Variants in PCDH7 observed in about 807,000 individuals in gnomAD.
PCDH7 encodes the protein protocadherin 7.
PCDH7 carries 17 observed loss-of-function variants against 58.9 expected under a neutral mutation model. That is an observed-to-expected ratio of 0.29 (90% CI 0.20 to 0.43). PCDH7 has a LOEUF of 0.43. Ranked by LOEUF, PCDH7 falls within the 20% of genes least tolerant of loss-of-function variation. The probability of loss-of-function intolerance (pLI) is 1.00; values close to 1 mark genes in which losing one functional copy is unlikely to be tolerated. For missense variants in PCDH7, 1,274 were observed against 1,441.0 expected, an observed-to-expected ratio of 0.88 and a Z score of 1.88; for synonymous variants, 664 against 616.4, an observed-to-expected ratio of 1.08 and a Z score of -1.14.
rs1013478231 is a variant in PCDH7, at chr4:30,910,369, G to A, written c.71-9784G>A. 2.0e-5 allele frequency among the ~76,000 whole-genome samples: 3 copies of A among 152,106 alleles called. 1 individual carries two copies. Among genetic ancestry groups the A allele is most frequent in the Non-Finnish European group, 4.4e-5 (3 of 68,032 alleles). On this transcript the variant is annotated intron_variant, in intron 1 of 3. Coordinates refer to the PCDH7 transcript ENST00000509759. ...TTCTGCACAGCAAAAGAATCTATCA[G>A]AGTGAACAGGCAAACTACAGAATGG...
At chr4:30,864,232 A>G (rs1036530243) in intron 1 of PCDH7, among the ~76,000 whole-genome samples, 1 of 152,080 alleles carries the variant, frequency 6.6e-6, no homozygotes, top group African/African-American at 2.4e-5. Context: ...GAAAGAAAAA[A>G]CAGCACAATA....
intron 3 of PCDH7, among the ~76,000 whole-genome samples, chr4:31,082,225 G>A (rs907065708): frequency 1.3e-5 from 2 of 152,152 alleles, no homozygotes; most frequent in Admixed American, 1.3e-4. Context: ...ATGCTTTCTA[G>A]ACAGTGTCCA....
chr4:31,081,924 C>T (rs114154685), intron 3 of PCDH7, among the ~76,000 whole-genome samples: 2,951 of 152,196 alleles, frequency 0.019, 101 homozygotes, highest in African/African-American at 0.067. Flanking sequence ...AGGCCCACGC[C>T]ACCAAGGCCA....
intron 3 of PCDH7, among the ~76,000 whole-genome samples, chr4:31,101,858 C>T (rs1714936889): frequency 6.6e-6 from 1 of 152,156 alleles, no homozygotes; most frequent in Non-Finnish European, 1.5e-5. Context: ...CATCTGTACA[C>T]TCTCGTGGTA....
intron 3 of PCDH7, among the ~76,000 whole-genome samples, chr4:31,109,838 T>C (rs951987996): frequency 2.6e-5 from 4 of 152,250 alleles, no homozygotes; most frequent in Non-Finnish European, 4.4e-5. Context: ...GCTGATAATC[T>C]AAGCAATGGA....
intron 1 of PCDH7, among the ~76,000 whole-genome samples, chr4:30,754,765 T>A (rs1390068513): frequency 3.3e-3 from 2 of 608 alleles, no homozygotes; most frequent in Non-Finnish European, 0.029. Context: ...TTATATGTAC[T>A]TTTTTTTTGA....
In PCDH7 at chr4:30,722,384, G is replaced by A; in HGVS notation, c.962G>A (p.Ser321Asn). The A allele has an allele frequency of 1.2e-6, 2 of 1,612,616 alleles. No individual in the cohort carries two copies. The highest frequency in any genetic ancestry group is 1.7e-6 in the Non-Finnish European group (2 of 1,179,914). Residue 321 changes from serine (S) to asparagine (N), a missense_variant, in exon 1 of 2, where the codon AGC (serine) becomes AAC (asparagine). By Grantham distance (46) the Ser-to-Asn change is conservative (BLOSUM62 1). This residue lies in a region of PCDH7 where 331 missense variants were observed against 303.2 expected (regional missense o/e 1.09). Coordinates refer to ENST00000361762, the Ensembl canonical transcript of PCDH7. The surrounding 1 kb of genome is among the most constrained non-coding windows in gnomAD (Gnocchi z 7.6). ...TACGAGGCCGACTTGGCTGAGAACA[G>A]CGCCCCGGGGACCCCCATCCTGCAA...
chr4:30,847,805 C>G (rs1309161183), intron 1 of PCDH7, among the ~76,000 whole-genome samples: 1 of 151,926 alleles, frequency 6.6e-6, no homozygotes, highest in Non-Finnish European at 1.5e-5. Flanking sequence ...ATCTTATTTC[C>G]TTGCTCTTTC....
chr4:30,912,421 T>G (rs963092027), intron 1 of PCDH7, among the ~76,000 whole-genome samples: 1 of 152,188 alleles, frequency 6.6e-6, no homozygotes. Flanking sequence ...AATAATGCAA[T>G]GTTCTGCTCC....
intron 3 of PCDH7, among the ~76,000 whole-genome samples, chr4:31,081,172 T>C (rs188035295): frequency 6.6e-6 from 1 of 152,198 alleles, no homozygotes; most frequent in Non-Finnish European, 1.5e-5. Flanking sequence ...AAATGGAATT[T>C]CTGGTATTTA....
At chr4:31,097,903 C>T (rs1033142655) in intron 3 of PCDH7, among the ~76,000 whole-genome samples, 6 of 151,560 alleles carry the variant, frequency 4.0e-5, no homozygotes, top group Admixed American at 3.9e-4. Flanking sequence ...AGATGTAGGC[C>T]ACTGTTATTT....
intron 1 of PCDH7, among the ~76,000 whole-genome samples, chr4:30,839,041 A>G (rs1358495716): frequency 6.6e-6 from 1 of 151,988 alleles, no homozygotes; most frequent in African/African-American, 2.4e-5. Context: ...CTAGTATGAA[A>G]GGGCATCCTG....
At chr4:31,117,895 A>G (rs1020244619) in intron 3 of PCDH7, among the ~76,000 whole-genome samples, 1 of 152,130 alleles carries the variant, frequency 6.6e-6, no homozygotes, top group Non-Finnish European at 1.5e-5. Flanking sequence ...TTTCATTTCT[A>G]TTGACAGGCT....
intron 1 of PCDH7, among the ~76,000 whole-genome samples, chr4:30,804,268 C>A (rs973187098): frequency 6.6e-6 from 1 of 152,112 alleles, no homozygotes; most frequent in Non-Finnish European, 1.5e-5. Context: ...AGGCCAGGCA[C>A]GGTGGCTCAT....
intron 1 of PCDH7, among the ~76,000 whole-genome samples, chr4:30,887,218 A>T (rs147942359): frequency 2.1e-3 from 324 of 152,300 alleles, no homozygotes; most frequent in African/African-American, 7.3e-3. Context: ...ACTAAATAAT[A>T]ATCCCCTGTT....
intron 1 of PCDH7, among the ~76,000 whole-genome samples, chr4:30,898,103 C>T (rs1739685013): frequency 6.6e-6 from 1 of 152,146 alleles, no homozygotes; most frequent in Non-Finnish European, 1.5e-5. Context: ...AGAGTTCAGT[C>T]AAATTGGTTT....
chr4:31,121,474 A>G (rs936410870), intron 3 of PCDH7, among the ~76,000 whole-genome samples: 2 of 152,228 alleles, frequency 1.3e-5, no homozygotes, highest in Admixed American at 6.5e-5. Context: ...TAAGTCCGAT[A>G]TCCTGTGCCT....
intron 3 of PCDH7, among the ~76,000 whole-genome samples, chr4:31,044,696 T>TAGTAATATA (rs1756145323): frequency 1.3e-5 from 2 of 152,066 alleles, no homozygotes; most frequent in East Asian, 3.8e-4. Context: ...TGAGTGTTGT[T>TAGTAATATA]AGTAATATAA....
In PCDH7 at chr4:30,786,278, A is replaced by G. The variant is rs140849141; in HGVS notation, c.70+61682A>G. On this transcript the variant is annotated intron_variant, in intron 1 of 3. Coordinates refer to the PCDH7 transcript ENST00000509759. ...TACTTGGAAGGGTGTGAACATTCAG[A>G]TCAAGCTCACATCTCTGAGATCTTA... 3.9e-3 allele frequency among the ~76,000 whole-genome samples: 588 copies of G among 152,150 alleles called. 7 individuals carry two copies. The highest frequency in any genetic ancestry group is 0.013 in the African/African-American group (524 of 41,532).
Sources: allele counts gnomAD v4.1 joint callset (sites outside exome capture counted in the v4.1 genomes callset), GRCh38; gene constraint gnomAD v4.1.1; regional missense constraint gnomAD v4.1.1; non-coding constraint Gnocchi (gnomAD v3.1); transcripts MANE v1.5; gene names NCBI Gene and HGNC (gene_info 2026-07-23, HGNC 2026-07-21).